Variants in ATP7B observed in about 807,000 individuals in gnomAD.
ATP7B encodes the protein copper-transporting ATPase 2.
In ATP7B, 113 loss-of-function variants were observed where a neutral mutation model predicts 118.9. The observed-to-expected ratio is 0.95, with a 90% CI of 0.82 to 1.11. ATP7B has a LOEUF of 1.11. Ranked by LOEUF, ATP7B falls within the 50% of genes most tolerant of loss-of-function variation. The probability of loss-of-function intolerance (pLI) is 0.00; values close to 1 mark genes in which losing one functional copy is unlikely to be tolerated. For missense variants in ATP7B, 1,867 were observed against 1,871.4 expected (o/e 1.00, Z 0.04); for synonymous variants, 777 against 727.4 (o/e 1.07, Z -1.10).
intron 7 of ATP7B, chr13:51,959,867 A>C: frequency 2.1e-6 from 1 of 475,440 alleles, no homozygotes. Context: ...CCTTGCAGCA[A>C]GGAGGTTGCT....
intron 9 of ATP7B, among the ~76,000 whole-genome samples, chr13:51,954,706 G>A (rs560907021): frequency 1.1e-4 from 17 of 152,278 alleles, no homozygotes; most frequent in Admixed American, 3.3e-4. Flanking sequence ...ACCAAGGAAG[G>A]GGAATATTTT....
intron 1 of ATP7B, among the ~76,000 whole-genome samples, chr13:51,982,776 G>T (rs1029207477): frequency 6.6e-6 from 1 of 152,200 alleles, no homozygotes; most frequent in Non-Finnish European, 1.5e-5. Flanking sequence ...GCCAAAGCAG[G>T]GTGGGGTGTT....
rs1951566486 is a variant in ATP7B, at chr13:51,966,709, C to T, written c.1708-1676G>A. 1.3e-6 allele frequency: 2 copies of T among 1,549,028 alleles called. 1 individual carries two copies. Among genetic ancestry groups the T allele is most frequent in the South Asian group, 2.3e-5 (2 of 85,374 alleles). On this transcript the variant is annotated intron_variant, in intron 4 of 20. Transcript: ENST00000242839. ...AGCATGCTGCCATGCCGACGTAGAC[C>T]CTGCTCTGCACGCCAGCCCGCCCGC... is the stretch of plus-strand genomic sequence containing the variant.
chr13:51,937,467 C>T lies in ATP7B; in HGVS notation c.3903+9G>A, dbSNP rs1957037692. The T allele has an allele frequency of 1.7e-5, 27 of 1,614,124 alleles. No individual in the cohort carries two copies. The highest frequency in any genetic ancestry group is 2.3e-5 in the Non-Finnish European group (27 of 1,179,998). Reference sequence around the variant, plus strand: ...CCAGCACCCACAGCCTGGCTGCAGCCACGCTCACTCTGATAAGGACGACGT... The same window carrying T: ...CCAGCACCCACAGCCTGGCTGCAGCTACGCTCACTCTGATAAGGACGACGT... On this transcript the variant is annotated intron_variant, in intron 18 of 20. Coordinates refer to ENST00000242839, the MANE Select transcript of ATP7B (RefSeq NM_000053.4).
Position 51,968,485 on chromosome 13 carries a change from T to A in ATP7B, c.1666A>T (p.Met556Leu), listed in dbSNP as rs200212457. The change falls in exon 4 of 21, where the codon ATG becomes TTG. Residue 556 changes from methionine to leucine, a missense_variant. Physicochemically the swap from Met to Leu is conservative, Grantham distance 15. Transcript: ENST00000242839. ...IQDLGFEAAVMEDYAGSDGNI... is the reference protein window; with the variant it reads ...IQDLGFEAAVLEDYAGSDGNI... The stretch of plus-strand genomic sequence containing the variant: ...CCATCGGAGCCTGCGTAGTCCTCCA[T>A]GACTGCTGCCTCAAAACCCAGGTCC... 1 of 1,614,076 alleles carries A rather than the reference T, an allele frequency of 6.2e-7. No individual in the cohort carries two copies. The highest frequency in any genetic ancestry group is 1.3e-5 in the African/African-American group (1 of 74,932).
At chr13:51,968,630 G>C (rs763368594) in intron 3 of ATP7B, 23 bp from the exon 4 acceptor site, 7 of 1,613,718 alleles carry the variant, frequency 4.3e-6, no homozygotes, top group Non-Finnish European at 5.9e-6. Flanking sequence ...GGTCATGGCT[G>C]TAACACTCTG....
intron 1 of ATP7B, among the ~76,000 whole-genome samples, chr13:52,001,922 C>G (rs1953509429): frequency 6.6e-6 from 1 of 152,114 alleles, no homozygotes; most frequent in African/African-American, 2.4e-5. Context: ...TCCCAAGTAC[C>G]TGGGGCTACA....
intron 1 of ATP7B, among the ~76,000 whole-genome samples, chr13:51,977,443 T>C (rs1344227068): frequency 2.0e-5 from 3 of 152,042 alleles, no homozygotes; most frequent in Non-Finnish European, 4.4e-5. Flanking sequence ...ATCATCAGTA[T>C]AACTGTCTTC....
At chr13:51,970,887 C>A in intron 2 of ATP7B, 138 bp from the exon 3 acceptor site, 1 of 627,678 alleles carries the variant, frequency 1.6e-6, no homozygotes, top group Non-Finnish European at 2.7e-6. Flanking sequence ...GCTCCAGTAA[C>A]TACCTTGTCC....
intron 9 of ATP7B, 27 bp from the exon 10 acceptor site, chr13:51,950,426 C>T: frequency 3.7e-6 from 6 of 1,612,946 alleles, no homozygotes; most frequent in African/African-American, 1.3e-5. Context: ...TTATCACTCA[C>T]ATGGCCACTC....
intron 1 of ATP7B, among the ~76,000 whole-genome samples, chr13:52,008,383 G>C: frequency 6.6e-6 from 1 of 152,048 alleles, no homozygotes; most frequent in South Asian, 2.1e-4. Context: ...CTATTCTGCC[G>C]GCATCACTGA....
intron 15 of ATP7B, 101 bp downstream of exon 15, chr13:51,942,285 G>A (rs764280041): frequency 1.8e-5 from 28 of 1,567,764 alleles, no homozygotes; most frequent in Admixed American, 3.4e-5. Context: ...GCCATGAACC[G>A]TCTGCCGCAC....
chr13:51,945,137 C>T (rs758719797), intron 13 of ATP7B, among the ~76,000 whole-genome samples: 6 of 152,166 alleles, frequency 3.9e-5, no homozygotes, highest in African/African-American at 7.2e-5. Flanking sequence ...CAGCTTTCAG[C>T]GCAACCTTAA....
rs754996019 is a variant in ATP7B, at chr13:51,975,114, T to A, written c.106A>T (p.Ser36Cys). The change falls in exon 2 of 21, where the codon AGT becomes TGT. Residue 36 changes from serine (S) to cysteine (C), a missense_variant. By Grantham distance (112) the Ser-to-Cys change is moderately radical. Transcript: ENST00000242839. ...TRAWEPAMKK[S>C]FAFDNVGYEG... is the part of the protein sequence containing the mutation. ...TAGCCAACATTGTCAAAAGCAAAACTCTTCTTCATTGCTGGTTCCCAGGCA... is the reference window on the plus strand; with the variant it reads ...TAGCCAACATTGTCAAAAGCAAAACACTTCTTCATTGCTGGTTCCCAGGCA... 5.0e-6 allele frequency: 8 copies of A among 1,614,198 alleles called. No individual in the cohort carries two copies. Among genetic ancestry groups the A allele is most frequent in the Non-Finnish European group, 5.9e-6 (7 of 1,180,042 alleles).
chr13:52,008,625 C>T (rs986050277), intron 1 of ATP7B, among the ~76,000 whole-genome samples: 5 of 152,150 alleles, frequency 3.3e-5, no homozygotes, highest in South Asian at 2.1e-4. Flanking sequence ...GAAATTACAA[C>T]GGTTTAAGAA....
At position 51,942,480 on chromosome 13, in the gene ATP7B, G is replaced by A. The variant is rs2138852740; in HGVS notation, c.3318C>T (p.Val1106=). 2 of 1,614,228 alleles carry A rather than the reference G, an allele frequency of 1.2e-6. No homozygotes were observed. Among genetic ancestry groups the A allele is most frequent in the Non-Finnish European group, 1.7e-6 (2 of 1,180,048 alleles). Residue 1106 remains valine (V), a synonymous_variant, in exon 15 of 21, where the codon GTC becomes GTT. Transcript: ENST00000242839. ...AVPGCGIGCK[V]SNVEGILAHS... ...GGGCCAGGATGCCTTCCACGTTGCTGACTTTGCACCCAATTCCACAGCCTG... is the reference window on the plus strand; with the variant it reads ...GGGCCAGGATGCCTTCCACGTTGCTAACTTTGCACCCAATTCCACAGCCTG...
intron 5 of ATP7B, 63 bp from the exon 6 acceptor site, chr13:51,961,976 G>A: frequency 7.2e-7 from 1 of 1,382,208 alleles, no homozygotes; most frequent in Non-Finnish European, 1.0e-6. Context: ...AATATGCATT[G>A]GCAGAAAGCA....
chr13:51,951,429 C>T (rs1367498406), intron 9 of ATP7B, among the ~76,000 whole-genome samples: 1 of 152,004 alleles, frequency 6.6e-6, no homozygotes, highest in Non-Finnish European at 1.5e-5. Context: ...GTTTGAGATG[C>T]CTATTTGACT....
intron 4 of ATP7B, chr13:51,966,694 C>A: frequency 2.0e-6 from 3 of 1,468,452 alleles, no homozygotes; most frequent in East Asian, 2.4e-5. Flanking sequence ...AGCATGCTGC[C>A]ATGCCGACGT....
Sources: gnomAD v4.1 joint callset for allele counts (sites outside exome capture counted in the v4.1 genomes callset) on GRCh38, gnomAD v4.1.1 for gene constraint, MANE v1.5 for transcripts, NCBI Gene and HGNC (gene_info 2026-07-23, HGNC 2026-07-21) for gene names.